The following THSD7B variants were observed in gnomAD, a reference collection of about 807,000 sequenced individuals.
THSD7B encodes the protein thrombospondin type 1 domain containing 7B, also known as thrombospondin type-1 domain-containing protein 7B.
THSD7B carries 138 observed loss-of-function variants against 213.6 expected under a neutral mutation model. The ratio of observed to expected loss-of-function variants is 0.65; its 90% CI spans 0.56 to 0.74. The LOEUF (loss-of-function observed/expected upper bound fraction) is 0.74. Among genes scored for constraint, THSD7B ranks in the 30% least tolerant of loss-of-function variants. The pLI is 0.00. For synonymous variants in THSD7B, 742 were observed against 687.0 expected, an observed-to-expected ratio of 1.08 and a Z score of -1.25; for missense variants, 1,931 against 1,991.5, an observed-to-expected ratio of 0.97 and a Z score of 0.58.
intron 10 of THSD7B, among the ~76,000 whole-genome samples, chr2:137,252,284 A>AC (rs1208791530): frequency 5.5e-4 from 83 of 151,242 alleles, no homozygotes; most frequent in African/African-American, 1.9e-3. Flanking sequence ...AAAAAAAAAA[A>AC]AAAAAACAAA....
chr2:137,332,992 C>T (rs1433286648), intron 12 of THSD7B, among the ~76,000 whole-genome samples: 2 of 152,130 alleles, frequency 1.3e-5, no homozygotes, highest in Admixed American at 1.3e-4. Flanking sequence ...TTTCAGTGAG[C>T]AACAGAATGA....
intron 20 of THSD7B, among the ~76,000 whole-genome samples, chr2:137,641,932 G>T (rs2104861993): frequency 6.6e-6 from 1 of 152,278 alleles, no homozygotes; most frequent in Non-Finnish European, 1.5e-5. Flanking sequence ...CCTTGGGGTA[G>T]CACCTTCCTA....
intron 2 of THSD7B, among the ~76,000 whole-genome samples, chr2:137,042,063 A>G (rs1432233): frequency 0.58 from 88,432 of 152,162 alleles, 29,681 homozygotes; most frequent in Non-Finnish European, 0.73. Context: ...TCAGGACTTT[A>G]ACAATTGCTC....
At chr2:137,004,340 C>A (rs1004920337) in intron 2 of THSD7B, among the ~76,000 whole-genome samples, 3 of 145,878 alleles carry the variant, frequency 2.1e-5, no homozygotes, top group African/African-American at 2.6e-5. Context: ...CACACACACA[C>A]ACACACAAAC....
At chr2:137,282,428 G>A (rs1294733152) in intron 12 of THSD7B, among the ~76,000 whole-genome samples, 1 of 152,110 alleles carries the variant, frequency 6.6e-6, no homozygotes, top group Non-Finnish European at 1.5e-5. Flanking sequence ...ATCTGTCAAT[G>A]TTGGCTTTTG....
chr2:136,908,652 G>C (rs1684208501), intron 2 of THSD7B, among the ~76,000 whole-genome samples: 2 of 152,266 alleles, frequency 1.3e-5, no homozygotes, highest in Middle Eastern at 3.4e-3. Flanking sequence ...ATTACTGAAT[G>C]AACACAGAAA....
chr2:137,253,926 G>A (rs757629361), intron 10 of THSD7B, among the ~76,000 whole-genome samples: 82 of 152,088 alleles, frequency 5.4e-4, no homozygotes, highest in Admixed American at 9.2e-4. Flanking sequence ...TATTATTATA[G>A]TAAAGCCTAG....
At chr2:137,657,333 A>AT (rs1444669564) in intron 24 of THSD7B, among the ~76,000 whole-genome samples, 173 bp downstream of exon 24, 5 of 152,248 alleles carry the variant, frequency 3.3e-5, no homozygotes, top group African/African-American at 4.8e-5. Context: ...AAGCAATTCA[A>AT]TTTTAAGACC....
intron 7 of THSD7B, among the ~76,000 whole-genome samples, chr2:137,212,958 A>G (rs140226787): frequency 6.6e-6 from 1 of 151,528 alleles, no homozygotes; most frequent in East Asian, 1.9e-4. Flanking sequence ...ATGTTGTTCA[A>G]TTCAGGCCCA....
At chr2:137,466,979 A>T (rs1688005300) in intron 15 of THSD7B, among the ~76,000 whole-genome samples, 1 of 152,012 alleles carries the variant, frequency 6.6e-6, no homozygotes, top group Non-Finnish European at 1.5e-5. Flanking sequence ...AGAATAAGAG[A>T]GTGTTGCTGT....
intron 15 of THSD7B, among the ~76,000 whole-genome samples, chr2:137,547,445 GTGTGTGTGTA>G (rs1680763583): frequency 6.6e-6 from 1 of 151,818 alleles, no homozygotes; most frequent in Non-Finnish European, 1.5e-5. Flanking sequence ...AAAATTCACT[GTGTGTGTGTA>G]TGTGTGTGTA....
chr2:137,178,926 A>G (rs555398881), intron 7 of THSD7B, among the ~76,000 whole-genome samples: 1 of 152,316 alleles, frequency 6.6e-6, no homozygotes, highest in South Asian at 2.1e-4. Context: ...TCACAATCAG[A>G]CTAAATGTAA....
At chr2:136,890,711 T>C (rs1396887493) in intron 2 of THSD7B, among the ~76,000 whole-genome samples, 1 of 150,530 alleles carries the variant, frequency 6.6e-6, no homozygotes, top group Non-Finnish European at 1.5e-5. Context: ...GGCTAAGTTT[T>C]TGTATTTTCA....
intron 27 of THSD7B, among the ~76,000 whole-genome samples, chr2:137,675,048 C>T (rs903733587): frequency 6.6e-6 from 1 of 151,260 alleles, no homozygotes; most frequent in South Asian, 2.1e-4. Flanking sequence ...ATAAAATTCA[C>T]AATTTTAGCC....
At chr2:137,288,737 A>C (rs965862229) in intron 12 of THSD7B, among the ~76,000 whole-genome samples, 1 of 152,030 alleles carries the variant, frequency 6.6e-6, no homozygotes, top group Non-Finnish European at 1.5e-5. Context: ...CACACAGCAC[A>C]CATACACAGT....
chr2:137,577,572 T>A (rs1284896081), intron 17 of THSD7B, among the ~76,000 whole-genome samples: 1 of 152,088 alleles, frequency 6.6e-6, no homozygotes, highest in Non-Finnish European at 1.5e-5. Flanking sequence ...AACATTATGA[T>A]GGGCCCTATA....
chr2:136,945,022 G>T (rs1684909992), intron 2 of THSD7B, among the ~76,000 whole-genome samples: 2 of 152,258 alleles, frequency 1.3e-5, no homozygotes, highest in African/African-American at 4.8e-5. Context: ...TGCAGTGGCT[G>T]GTACCGGTTG....
chr2:136,818,100 A>G (rs1427993343), intron 1 of THSD7B, among the ~76,000 whole-genome samples: 1 of 148,534 alleles, frequency 6.7e-6, no homozygotes, highest in Non-Finnish European at 1.5e-5. Context: ...ATGCACACGT[A>G]TGTTTATTGC....
chr2:137,157,027 C>T (rs1679923662), intron 5 of THSD7B, among the ~76,000 whole-genome samples: 1 of 152,136 alleles, frequency 6.6e-6, no homozygotes, highest in South Asian at 2.1e-4. Flanking sequence ...TGAATTCTTG[C>T]TGTAATATGG....
Sources: allele counts gnomAD v4.1 joint callset (sites outside exome capture counted in the v4.1 genomes callset), GRCh38; gene constraint gnomAD v4.1.1; transcripts MANE v1.5; gene names NCBI Gene and HGNC (gene_info 2026-07-23, HGNC 2026-07-21).